The following DGKB variants were observed in gnomAD, a reference collection of about 807,000 sequenced individuals.
DGKB encodes the protein diacylglycerol kinase beta.
Under a neutral mutation model 114.3 loss-of-function variants are expected in DGKB, and 67 were observed. That is an observed-to-expected ratio of 0.59 (90% CI 0.48 to 0.72). The LOEUF (loss-of-function observed/expected upper bound fraction) is 0.72. Among genes scored for constraint, DGKB ranks in the 30% least tolerant of loss-of-function variants. The probability of loss-of-function intolerance (pLI) is 0.00; values close to 1 mark genes in which losing one functional copy is unlikely to be tolerated. For synonymous variants in DGKB, 398 were observed against 323.1 expected (o/e 1.23, Z -2.49); for missense variants, 907 against 975.2 (o/e 0.93, Z 0.93).
intron 21 of DGKB, among the ~76,000 whole-genome samples, chr7:14,453,864 C>T (rs1043331731): frequency 1.6e-4 from 24 of 152,246 alleles, no homozygotes; most frequent in African/African-American, 5.8e-4. Flanking sequence ...AGGGCCAGAA[C>T]TGGCATATGG....
chr7:14,516,483 A>T (rs1379789608), intron 20 of DGKB, among the ~76,000 whole-genome samples: 2 of 152,180 alleles, frequency 1.3e-5, no homozygotes, highest in African/African-American at 4.8e-5. Context: ...CATAGTAAAG[A>T]TGAGTGAAGA....
intron 20 of DGKB, among the ~76,000 whole-genome samples, chr7:14,529,356 G>A (rs1488651374): frequency 6.6e-6 from 1 of 151,742 alleles, no homozygotes; most frequent in Admixed American, 6.6e-5. Context: ...CTATTTTGTT[G>A]AGCAGTGATG....
Position 14,578,731 on chromosome 7 carries a change from G to A in DGKB, c.1609+2131C>T, listed in dbSNP as rs76660438. ...CATTTGGAGAACTATAGTTCTGCATGTTTTCACATTTTCTGACCAGTTTAT... is the reference window on the plus strand; with the variant it reads ...CATTTGGAGAACTATAGTTCTGCATATTTTCACATTTTCTGACCAGTTTAT... On this transcript the variant is annotated intron_variant, in intron 19 of 25. Transcript: ENST00000402815. 9.0e-3 allele frequency among the ~76,000 whole-genome samples: 1,367 copies of A among 152,286 alleles called. 23 individuals are homozygous for A. Among genetic ancestry groups the A allele is most frequent in the African/African-American group, 0.03 (1,236 of 41,548 alleles).
Position 14,697,715 on chromosome 7 carries a change from GAAA to G in DGKB, c.591+377_591+379del, listed in dbSNP as rs781705227. Among the ~76,000 whole-genome samples, 837 of 131,888 alleles carry G rather than the reference GAAA, an allele frequency of 6.3e-3. 8 individuals carry two copies. The highest frequency in any genetic ancestry group is 0.023 in the African/African-American group (773 of 33,328). 86.5% of individuals were successfully genotyped at this position (131,888 alleles called of 152,430 possible). ...GGAAGGAAGGAAGGAAGGAAAGAAA[GAAA>G]AGGAAGGAAGGAAAGAAAGAAGGAG... On this transcript the variant is annotated intron_variant, in intron 8 of 25. Transcript: ENST00000402815.
chr7:14,257,775 G>T (rs1420807576), intron 23 of DGKB, among the ~76,000 whole-genome samples: 1 of 152,104 alleles, frequency 6.6e-6, no homozygotes, highest in African/African-American at 2.4e-5. Context: ...TGCCCAGGCT[G>T]GAGTGCAATG....
chr7:14,608,884 G>A (rs1312004922), intron 16 of DGKB, among the ~76,000 whole-genome samples: 5 of 151,846 alleles, frequency 3.3e-5, no homozygotes, highest in African/African-American at 9.7e-5. Flanking sequence ...TGCTCTACAA[G>A]GAGAACCACA....
At chr7:14,374,626 G>C (rs1197056370) in intron 21 of DGKB, among the ~76,000 whole-genome samples, 1 of 152,176 alleles carries the variant, frequency 6.6e-6, no homozygotes, top group African/African-American at 2.4e-5. Context: ...AATTCTGCCT[G>C]TCTTAACAAC....
chr7:14,550,342 T>C (rs575613328), intron 20 of DGKB, among the ~76,000 whole-genome samples: 1 of 152,306 alleles, frequency 6.6e-6, no homozygotes, highest in East Asian at 1.9e-4. Flanking sequence ...AAATTACATT[T>C]GCAATGAAAT....
At chr7:14,916,644 A>T (rs769415538) in intron 1 of DGKB, among the ~76,000 whole-genome samples, 1 of 152,128 alleles carries the variant, frequency 6.6e-6, no homozygotes, top group African/African-American at 2.4e-5. Flanking sequence ...ATTAAAGAAC[A>T]TGAGGCAAAA....
intron 1 of DGKB, among the ~76,000 whole-genome samples, chr7:14,867,080 G>A (rs558380216): frequency 1.6e-4 from 24 of 152,098 alleles, no homozygotes; most frequent in East Asian, 3.9e-4. Flanking sequence ...TGAGTTATTC[G>A]TTTCCATATT....
At chr7:14,816,982 T>C (rs571275237) in intron 2 of DGKB, among the ~76,000 whole-genome samples, 2 of 152,358 alleles carry the variant, frequency 1.3e-5, no homozygotes, top group South Asian at 4.1e-4. Flanking sequence ...CTTTTCATAA[T>C]ATGCATTAAT....
intron 13 of DGKB, among the ~76,000 whole-genome samples, chr7:14,659,062 C>A (rs1356372254): frequency 6.6e-6 from 1 of 151,872 alleles, no homozygotes; most frequent in African/African-American, 2.4e-5. Context: ...TAATGTTCTC[C>A]CTCCCCTAAC....
intron 13 of DGKB, among the ~76,000 whole-genome samples, chr7:14,645,430 A>T (rs928718392): frequency 1.3e-5 from 2 of 152,054 alleles, no homozygotes; most frequent in African/African-American, 4.8e-5. Flanking sequence ...AACAGGACAG[A>T]AAAACCCACT....
At chr7:14,549,018 G>C (rs1203847599) in intron 20 of DGKB, among the ~76,000 whole-genome samples, 1 of 151,304 alleles carries the variant, frequency 6.6e-6, no homozygotes, top group Non-Finnish European at 1.5e-5. Flanking sequence ...AATGCAGAGA[G>C]GAAAGAGTAG....
chr7:14,747,742 A>C (rs999423126), intron 4 of DGKB, among the ~76,000 whole-genome samples: 3 of 134,022 alleles, frequency 2.2e-5, no homozygotes, highest in Admixed American at 7.7e-5. Flanking sequence ...CTATTCAAAA[A>C]TTGAATTGCT....
At chr7:14,794,243 C>T (rs1246533757) in intron 2 of DGKB, among the ~76,000 whole-genome samples, 2 of 152,088 alleles carry the variant, frequency 1.3e-5, no homozygotes, top group African/African-American at 4.8e-5. Context: ...AAAATTGGTT[C>T]TGGAGTTTCT....
At chr7:14,847,185 G>C (rs1441527030) in intron 1 of DGKB, among the ~76,000 whole-genome samples, 4 of 151,922 alleles carry the variant, frequency 2.6e-5, no homozygotes, top group Admixed American at 2.0e-4. Context: ...CAGCTACTCG[G>C]GAGGCTGAGG....
At chr7:14,290,655 C>G (rs907434997) in intron 23 of DGKB, among the ~76,000 whole-genome samples, 7 of 152,114 alleles carry the variant, frequency 4.6e-5, no homozygotes, top group Non-Finnish European at 7.4e-5. Flanking sequence ...AGAGGAGACA[C>G]TAACTACTCT....
chr7:14,300,759 A>G (rs929610503), intron 23 of DGKB, among the ~76,000 whole-genome samples: 2 of 152,144 alleles, frequency 1.3e-5, no homozygotes, highest in African/African-American at 4.8e-5. Flanking sequence ...AATGTCTCCT[A>G]TATGGCTGTA....
Sources: gnomAD v4.1 joint callset for allele counts (sites outside exome capture counted in the v4.1 genomes callset) on GRCh38, gnomAD v4.1.1 for gene constraint, MANE v1.5 for transcripts, NCBI Gene and HGNC (gene_info 2026-07-23, HGNC 2026-07-21) for gene names.